RYR2: variants seen among roughly 807,000 people sequenced by gnomAD.
RYR2 encodes cardiac muscle ryanodine receptor-calcium release channel.
RYR2 carries 227 observed loss-of-function variants against 601.1 expected under a neutral mutation model. The observed-to-expected ratio is 0.38, with a 90% CI of 0.34 to 0.42. The LOEUF (loss-of-function observed/expected upper bound fraction) is 0.42. Among genes scored for constraint, RYR2 ranks in the 10% least tolerant of loss-of-function variants. The pLI, the probability that RYR2 is intolerant of heterozygous loss-of-function variation, is 1.00. For missense variants in RYR2, 4,646 were observed against 6,156.5 expected (o/e 0.75, Z 8.21); for synonymous variants, 2,223 against 2,175.1 (o/e 1.02, Z -0.61).
chr1:237,737,759 A>T (rs1344721466), intron 79 of RYR2, among the ~76,000 whole-genome samples: 1 of 152,106 alleles, frequency 6.6e-6, no homozygotes, highest in Non-Finnish European at 1.5e-5. Flanking sequence ...CCTTTCCCAG[A>T]CTGGTTAACC....
chr1:237,549,550 C>A (rs1670163330), intron 26 of RYR2, among the ~76,000 whole-genome samples: 2 of 148,618 alleles, frequency 1.3e-5, no homozygotes, highest in African/African-American at 5.0e-5. Context: ...ACAAAAACAA[C>A]AAAACAACAA....
intron 40 of RYR2, among the ~76,000 whole-genome samples, chr1:237,626,940 G>A (rs893038608): frequency 6.6e-6 from 1 of 152,060 alleles, no homozygotes; most frequent in Admixed American, 6.6e-5. Flanking sequence ...TGGTTAAAAT[G>A]ACAGTGTGGT....
At chr1:237,220,809 A>G (rs1209273511) in intron 1 of RYR2, among the ~76,000 whole-genome samples, 5 of 152,186 alleles carry the variant, frequency 3.3e-5, no homozygotes, top group Non-Finnish European at 7.3e-5. Flanking sequence ...GGAGTCCAGT[A>G]TGTCAAAGTC....
At chr1:237,253,247 C>A (rs941480720) in intron 1 of RYR2, among the ~76,000 whole-genome samples, 34 of 138,514 alleles carry the variant, frequency 2.5e-4, no homozygotes, top group African/African-American at 8.8e-4. Context: ...ATTATTATTT[C>A]TGTCTAATAG....
At chr1:237,624,164 G>A (rs1231351429) in intron 39 of RYR2, among the ~76,000 whole-genome samples, 1 of 152,118 alleles carries the variant, frequency 6.6e-6, no homozygotes, top group East Asian at 1.9e-4. Context: ...GGGACATGTG[G>A]CCAGGTGCCT....
At chr1:237,465,662 C>T (rs1168894982) in intron 16 of RYR2, among the ~76,000 whole-genome samples, 3 of 152,046 alleles carry the variant, frequency 2.0e-5, no homozygotes, top group African/African-American at 2.4e-5. Flanking sequence ...CTATGCTATA[C>T]GGGATGGCCT....
intron 8 of RYR2, among the ~76,000 whole-genome samples, chr1:237,380,482 C>T (rs1194650533): frequency 7.2e-6 from 1 of 139,146 alleles, no homozygotes; most frequent in African/African-American, 2.7e-5. Context: ...TAGAAACCCT[C>T]AGTTCCTTCA....
intron 71 of RYR2, among the ~76,000 whole-genome samples, chr1:237,715,676 C>T (rs1207801470): frequency 6.6e-6 from 1 of 152,044 alleles, no homozygotes; most frequent in Non-Finnish European, 1.5e-5. Context: ...TAAATTTAGA[C>T]TAAGAAAACT....
chr1:237,416,390 G>T (rs754688753), intron 10 of RYR2, among the ~76,000 whole-genome samples: 2 of 152,134 alleles, frequency 1.3e-5, no homozygotes, highest in African/African-American at 2.4e-5. Flanking sequence ...CATGAATTTG[G>T]ATACTTACAG....
chr1:237,525,379 A>T (rs1469059273), intron 24 of RYR2, among the ~76,000 whole-genome samples: 1 of 152,140 alleles, frequency 6.6e-6, no homozygotes, highest in Non-Finnish European at 1.5e-5. Context: ...ACAGACACTT[A>T]AGTTGATTCC....
chr1:237,108,527 A>G (rs1669027233), intron 1 of RYR2, among the ~76,000 whole-genome samples: 2 of 152,232 alleles, frequency 1.3e-5, no homozygotes, highest in African/African-American at 4.8e-5. Flanking sequence ...GAAGCTCACA[A>G]CCAAAACAGA....
Position 237,832,791 on chromosome 1 carries a change from G to A in RYR2, c.*144G>A. ...CTGGGAGCATCGAAGCTCTGTTTCG[G>A]AAGAGCTGTTTCCTCCCCCCACCTT... On this transcript the variant is annotated 3_prime_UTR_variant, in exon 105 of 105. Coordinates refer to ENST00000366574, the MANE Select transcript of RYR2 (RefSeq NM_001035.3). 1.8e-6 allele frequency: 1 copy of A among 543,514 alleles called. No homozygotes were observed. 33.7% of individuals were successfully genotyped at this position (543,514 alleles called of 1,614,324 possible). A position where few individuals can be genotyped will look rare whatever the true frequency, so the allele number is the denominator to read the frequency against.
intron 1 of RYR2, among the ~76,000 whole-genome samples, chr1:237,146,318 C>T (rs1454009581): frequency 6.6e-6 from 1 of 152,184 alleles, no homozygotes; most frequent in African/African-American, 2.4e-5. Context: ...TCTAAGTCAA[C>T]TATCTAATGA....
At chr1:237,574,219 G>A (rs1348324895) in intron 29 of RYR2, among the ~76,000 whole-genome samples, 1 of 152,196 alleles carries the variant, frequency 6.6e-6, no homozygotes, top group African/African-American at 2.4e-5. Context: ...ATGTCACAAA[G>A]GAATAGTGAG....
At chr1:237,456,263 T>G (rs962448212) in intron 15 of RYR2, among the ~76,000 whole-genome samples, 2 of 152,202 alleles carry the variant, frequency 1.3e-5, no homozygotes, top group Admixed American at 6.6e-5. Context: ...TCTTTAAGAA[T>G]AATAATAATG....
intron 50 of RYR2, 51 bp from the exon 51 acceptor site, chr1:237,651,359 CT>C: frequency 8.2e-7 from 1 of 1,221,814 alleles, no homozygotes; most frequent in South Asian, 1.3e-5. Context: ...GAATGATCTA[CT>C]TAGTTTAGAA....
intron 38 of RYR2, among the ~76,000 whole-genome samples, chr1:237,618,785 G>T (rs1319522335): frequency 6.6e-6 from 1 of 152,206 alleles, no homozygotes; most frequent in East Asian, 1.9e-4. Flanking sequence ...TGTCCCAGTA[G>T]AGGACAGAGC....
chr1:237,112,579 A>AG (rs1435384978), intron 1 of RYR2, among the ~76,000 whole-genome samples: 1 of 150,110 alleles, frequency 6.7e-6, no homozygotes, highest in Non-Finnish European at 1.5e-5. Context: ...ATCAAAAAAA[A>AG]AAAAAAAAAA....
chr1:237,515,783 C>CT (rs1558952680), intron 24 of RYR2, among the ~76,000 whole-genome samples: 4 of 3,500 alleles, frequency 1.1e-3, no homozygotes, highest in East Asian at 7.8e-3. Flanking sequence ...TTCTCCTTCC[C>CT]CTACTTCCTC....
Sources: gnomAD v4.1 joint callset for allele counts (sites outside exome capture counted in the v4.1 genomes callset) on GRCh38, gnomAD v4.1.1 for gene constraint, MANE v1.5 for transcripts, NCBI Gene and HGNC (gene_info 2026-07-23, HGNC 2026-07-21) for gene names.